Variants in MTFR1 observed in about 807,000 individuals in gnomAD.
The protein encoded by MTFR1 is chondrocyte protein with a poly-proline region.
MTFR1 carries 28 observed loss-of-function variants against 38.8 expected under a neutral mutation model. That is an observed-to-expected ratio of 0.72 (90% confidence interval 0.53 to 0.99). The LOEUF (loss-of-function observed/expected upper bound fraction) is 0.99, where lower values mean the gene tolerates loss of function less well. MTFR1 is among the 50% of genes least tolerant of loss of function. MTFR1 has a pLI of 0.00. For missense variants in MTFR1, 358 were observed against 395.5 expected (o/e 0.91, Z 0.81); for synonymous variants, 145 against 137.0 (o/e 1.06, Z -0.41).
intron 3 of MTFR1, chr8:65,724,664 A>G (rs1585826271): frequency 1.1e-6 from 1 of 911,762 alleles, no homozygotes; most frequent in East Asian, 2.6e-5. Context: ...GAAATTCTTT[A>G]GCTTGCCCTC....
intron 3 of MTFR1, chr8:65,745,360 A>G (rs1386708582): frequency 9.5e-7 from 1 of 1,050,638 alleles, no homozygotes; most frequent in African/African-American, 1.6e-5. Flanking sequence ...CCATCAATGC[A>G]GTAATCTAGA....
rs1807574128 is a variant in MTFR1, at chr8:65,744,262, C to T, written c.*48+24781C>T. On this transcript the variant is annotated intron_variant, in intron 3 of 3. Coordinates refer to the MTFR1 transcript ENST00000521247. ...ACAAAAAAAAACAGGCATGAAGGAA[C>T]TTTTTTAAAAATGGAAATGGAAATG... 2.0e-5 allele frequency among the ~76,000 whole-genome samples: 3 copies of T among 151,844 alleles called. No individual in the cohort carries two copies. In the East Asian group the frequency reaches 5.8e-4, roughly 29 times the overall value.
rs147589776 is a variant in MTFR1, at chr8:65,667,978, C to G, written c.-80-1895C>G. ...CAGCTCTTTTCAGTTTATTTTCACC[C>G]AGCACTTGGCATATTTGTGGCACCT... On this transcript the variant is annotated intron_variant, in intron 1 of 7. Transcript: ENST00000262146. 2.3e-3 allele frequency among the ~76,000 whole-genome samples: 354 copies of G among 152,162 alleles called. 1 individual carries two copies. Among genetic ancestry groups the G allele is most frequent in the Admixed American group, 7.2e-3 (110 of 15,242 alleles).
intron 3 of MTFR1, among the ~76,000 whole-genome samples, chr8:65,762,681 TATGA>T (rs1808566170): frequency 6.6e-6 from 1 of 152,236 alleles, no homozygotes; most frequent in African/African-American, 2.4e-5. Flanking sequence ...TGGTCATTAT[TATGA>T]ATATCAAATA....
At chr8:65,734,155 C>T (rs1217790204) in intron 3 of MTFR1, among the ~76,000 whole-genome samples, 1 of 152,126 alleles carries the variant, frequency 6.6e-6, no homozygotes. Context: ...CAAGCCTTAC[C>T]CCCAAAACTT....
chr8:65,730,506 C>T (rs533950095), intron 3 of MTFR1, among the ~76,000 whole-genome samples: 2 of 152,122 alleles, frequency 1.3e-5, no homozygotes, highest in Admixed American at 6.5e-5. Context: ...GAATCTAATG[C>T]CTGATGATCT....
chr8:65,732,976 C>A (rs1806962205), intron 3 of MTFR1, among the ~76,000 whole-genome samples: 3 of 152,064 alleles, frequency 2.0e-5, no homozygotes, highest in Admixed American at 1.3e-4. Flanking sequence ...TCCCAAAGTG[C>A]AGAACTACAG....
At chr8:65,750,757 A>C (rs553015433) in intron 3 of MTFR1, among the ~76,000 whole-genome samples, 37 of 152,256 alleles carry the variant, frequency 2.4e-4, no homozygotes, top group African/African-American at 8.9e-4. Flanking sequence ...TTTTCTGGGC[A>C]ACTTCTGACA....
At chr8:65,698,762 CTT>C (rs1232940503) in intron 4 of MTFR1, among the ~76,000 whole-genome samples, 2 of 150,000 alleles carry the variant, frequency 1.3e-5, no homozygotes, top group Non-Finnish European at 3.0e-5. Context: ...GAGTTTCACT[CTT>C]GTTGCCCAGG....
intron 7 of MTFR1, chr8:65,708,219 T>A: frequency 9.7e-7 from 1 of 1,026,172 alleles, no homozygotes; most frequent in Non-Finnish European, 1.4e-6. Flanking sequence ...CTTTTCTAAC[T>A]ATGAAAATAA....
intron 2 of MTFR1, among the ~76,000 whole-genome samples, chr8:65,677,120 A>T (rs1375370042): frequency 8.0e-6 from 1 of 125,512 alleles, no homozygotes; most frequent in Non-Finnish European, 1.6e-5. Flanking sequence ...GTCACCCAGG[A>T]TGGAGTGCAG....
chr8:65,655,970 C>CATATAT (rs1367084824), intron 1 of MTFR1, among the ~76,000 whole-genome samples: 1 of 53,624 alleles, frequency 1.9e-5, no homozygotes, highest in African/African-American at 1.0e-4. Flanking sequence ...ATATATATAC[C>CATATAT]ATATATATAT....
intron 1 of MTFR1, 62 bp from the exon 2 acceptor site, chr8:65,669,811 T>G: frequency 1.4e-6 from 1 of 730,570 alleles, no homozygotes. Flanking sequence ...GTGAGACATG[T>G]AGACAGTACA....
intron 3 of MTFR1, among the ~76,000 whole-genome samples, chr8:65,734,608 C>T (rs1807045681): frequency 6.6e-6 from 1 of 152,186 alleles, no homozygotes; most frequent in Non-Finnish European, 1.5e-5. Flanking sequence ...TCAACAACCA[C>T]CCAATTCTCT....
At chr8:65,705,194 T>C (rs1362190404) in intron 5 of MTFR1, among the ~76,000 whole-genome samples, 1 of 152,070 alleles carries the variant, frequency 6.6e-6, no homozygotes, top group Non-Finnish European at 1.5e-5. Flanking sequence ...CGTGGTGGCA[T>C]GTGCCTGTAG....
chr8:65,750,874 G>C (rs535347781), intron 3 of MTFR1, among the ~76,000 whole-genome samples: 1 of 152,188 alleles, frequency 6.6e-6, no homozygotes, highest in South Asian at 2.1e-4. Flanking sequence ...GTTCTATTTT[G>C]ACCAAGTTAA....
intron 2 of MTFR1, among the ~76,000 whole-genome samples, chr8:65,677,258 C>G (rs1475524700): frequency 6.7e-6 from 1 of 149,042 alleles, no homozygotes; most frequent in Non-Finnish European, 1.5e-5. Flanking sequence ...TTAGTAGAGA[C>G]GGGGTTTCGC....
chr8:65,727,724 T>C (rs925070561), intron 3 of MTFR1: 3 of 155,452 alleles, frequency 1.9e-5, no homozygotes, highest in African/African-American at 7.2e-5. Flanking sequence ...AAATTGGTTA[T>C]TGGATTTCAA....
At chr8:65,686,457 A>G (rs183795750) in intron 3 of MTFR1, among the ~76,000 whole-genome samples, 165 of 151,946 alleles carry the variant, frequency 1.1e-3, no homozygotes, top group African/African-American at 3.6e-3. Context: ...CTGTAATCCC[A>G]GCTACTCAGG....
Sources: allele counts gnomAD v4.1 joint callset (sites outside exome capture counted in the v4.1 genomes callset), GRCh38; gene constraint gnomAD v4.1.1; transcripts MANE v1.5; gene names NCBI Gene and HGNC (gene_info 2026-07-23, HGNC 2026-07-21).